The following VSX1 variants were observed in gnomAD, a reference collection of about 807,000 sequenced individuals.
VSX1 encodes visual system homeobox 1, also known as homeodomain protein RINX.
VSX1 carries 23 observed loss-of-function variants against 23.6 expected under a neutral mutation model. The observed-to-expected ratio is 0.97, with a 90% CI of 0.70 to 1.38. The LOEUF is 1.38. Among genes scored for constraint, VSX1 ranks in the 40% most tolerant of loss-of-function variants. VSX1 has a pLI of 0.00. For missense variants in VSX1, 517 were observed against 495.4 expected (o/e 1.04, Z -0.41); for synonymous variants, 247 against 215.1 (o/e 1.15, Z -1.30).
At chr20:25,072,000 C>T, downstream of VSX1, 2 of 623,734 alleles carry the variant, frequency 3.2e-6, no homozygotes, top group Non-Finnish European at 5.8e-6. Context: ...ACGGGAGCCT[C>T]CAGGAGCAGA....
chr20:25,078,706 C>T, intron 3 of VSX1, 123 bp downstream of exon 3: 1 of 1,611,362 alleles, frequency 6.2e-7, no homozygotes, highest in Non-Finnish European at 8.5e-7. Context: ...CTAAGGGACC[C>T]TCAGTTTCTA....
downstream of VSX1, among the ~76,000 whole-genome samples, chr20:25,074,493 A>G (rs543281273): frequency 6.6e-6 from 1 of 152,304 alleles, no homozygotes; most frequent in South Asian, 2.1e-4. Context: ...GTAATATTAC[A>G]TAGAGATTTG....
At chr20:25,070,996 C>T (rs575024921), downstream of VSX1, 12 of 453,928 alleles carry the variant, frequency 2.6e-5, no homozygotes, top group African/African-American at 2.2e-4. Context: ...CTTAAAATGT[C>T]AGTATGAGAC....
rs2089475126 is a variant in VSX1, at chr20:25,075,775, C to G, written c.*486G>C. ...TCCCTAACAAGAAAATTGAAATATC[C>G]AAGGCCAAGTTCAAGGTAAAGACAA... On this transcript the variant is annotated 3_prime_UTR_variant, in exon 5 of 5. Coordinates refer to ENST00000376709, the MANE Select transcript of VSX1 (RefSeq NM_014588.6). The G allele has an allele frequency of 6.4e-6, 1 of 157,292 alleles. No homozygotes were observed. 9.7% of individuals were successfully genotyped at this position (157,292 alleles called of 1,614,324 possible). A position where few individuals can be genotyped will look rare whatever the true frequency, so the allele number is the denominator to read the frequency against.
chr20:25,076,271 C>G lies in VSX1; in HGVS notation c.1088G>C (p.Gly363Ala). 6.2e-7 allele frequency: 1 copy of G among 1,614,122 alleles called. No homozygotes were observed. Among genetic ancestry groups the G allele is most frequent in the Non-Finnish European group, 8.5e-7 (1 of 1,180,044 alleles). The part of the protein sequence containing the change: ...ALEGPQPGKV[G>A]AT ...TGGGACCTGTGGGTCTCATGTGGCT[C>G]CCACCTTCCCTGGCTGGGGCCCCTC... The change falls in exon 5 of 5, where the codon GGA (glycine) becomes GCA (alanine). Residue 363 changes from glycine (G) to alanine (A), a missense_variant. Gly to Ala is a moderately conservative substitution (Grantham distance 60). Transcript: ENST00000376709.
intron 4 of VSX1, among the ~76,000 whole-genome samples, chr20:25,077,104 G>C (rs976422767): frequency 6.6e-6 from 1 of 152,178 alleles, no homozygotes; most frequent in Non-Finnish European, 1.5e-5. Context: ...CACAATCTGT[G>C]ATCCCTGCCT....
At chr20:25,081,411 G>T (rs78756784) in intron 1 of VSX1, 1 of 746,822 alleles carries the variant, frequency 1.3e-6, no homozygotes. Context: ...CTCATCAAAA[G>T]GTTCCACCCG....
chr20:25,078,011 C>G, intron 3 of VSX1, 146 bp from the exon 4 acceptor site: 1 of 1,147,338 alleles, frequency 8.7e-7, no homozygotes, highest in Non-Finnish European at 1.3e-6. Context: ...CTCCCGAGGG[C>G]CAACCAGCCG....
chr20:25,073,161 G>A (rs564457333), downstream of VSX1, among the ~76,000 whole-genome samples: 1 of 152,126 alleles, frequency 6.6e-6, no homozygotes, highest in South Asian at 2.1e-4. Flanking sequence ...ATTTTCATAT[G>A]ATATTTTTAA....
At chr20:25,079,010 C>A in intron 2 of VSX1, 58 bp from the exon 3 acceptor site, 1 of 1,609,706 alleles carries the variant, frequency 6.2e-7, no homozygotes, top group South Asian at 1.1e-5. Flanking sequence ...AGCAGCCTCC[C>A]TGGCCTTAAG....
downstream of VSX1, among the ~76,000 whole-genome samples, chr20:25,075,266 C>G (rs771372904): frequency 6.6e-6 from 1 of 152,170 alleles, no homozygotes; most frequent in Non-Finnish European, 1.5e-5. Context: ...ATCTTTCTGG[C>G]CTCTGAACTC....
downstream of VSX1, among the ~76,000 whole-genome samples, chr20:25,073,110 G>A (rs564185586): frequency 6.6e-6 from 1 of 152,244 alleles, no homozygotes. Context: ...TGAGAACCAC[G>A]CAGGAGTCAC....
chr20:25,081,867 G>T lies in VSX1; in HGVS notation c.230C>A (p.Ala77Asp), dbSNP rs753363036. Residue 77 changes from alanine to aspartate, a missense_variant, in exon 1 of 5, where the codon GCC becomes GAC. Physicochemically the swap from Ala to Asp is moderately radical, Grantham distance 126. Coordinates refer to ENST00000376709, the MANE Select transcript of VSX1 (RefSeq NM_014588.6). The stretch of plus-strand genomic sequence containing the variant: ...GAGGAGGCCGAGTCCCAGCGGTAGG[G>T]CCCCACGCGCCAGGCTGGAGCCGTC... ...GLDGSSLARG[A>D]LPLGLGLLCG... The T allele has an allele frequency of 1.4e-5, 22 of 1,523,878 alleles. No homozygotes were observed. Among genetic ancestry groups the T allele is most frequent in the Non-Finnish European group, 1.2e-5 (14 of 1,142,946 alleles). 94.4% of individuals were successfully genotyped at this position (1,523,878 alleles called of 1,614,324 possible). A position where few individuals can be genotyped will look rare whatever the true frequency, so the allele number is the denominator to read the frequency against.
chr20:25,079,510 C>G lies in VSX1; in HGVS notation c.429G>C (p.Glu143Asp). ...KRSDSVSTSD[E>D]DSQSEDRNDL... Reference sequence around the variant, plus strand: ...CATTCCTGTCTTCAGACTGGCTGTCCTCATCTGATGGCACAGAAAGAAGAA... The same window carrying G: ...CATTCCTGTCTTCAGACTGGCTGTCGTCATCTGATGGCACAGAAAGAAGAA... The change falls in exon 2 of 5, where the codon GAG becomes GAC. Residue 143 changes from glutamate (E) to aspartate (D), a missense_variant. By Grantham distance (45) the Glu-to-Asp change is conservative (BLOSUM62 2). Transcript: ENST00000376709. 1.2e-6 allele frequency: 2 copies of G among 1,611,342 alleles called. No homozygotes were observed. The highest frequency in any genetic ancestry group is 1.7e-6 in the Non-Finnish European group (2 of 1,178,704).
At chr20:25,078,042 G>A (rs1475450193) in intron 3 of VSX1, 177 bp from the exon 4 acceptor site, 1 of 833,326 alleles carries the variant, frequency 1.2e-6, no homozygotes, top group Non-Finnish European at 1.9e-6. Context: ...GAGCGCCCAG[G>A]AGCCCCCAGC....
intron 1 of VSX1, among the ~76,000 whole-genome samples, chr20:25,081,227 T>C (rs1341754449): frequency 1.4e-5 from 2 of 143,450 alleles, no homozygotes; most frequent in Non-Finnish European, 3.1e-5. Context: ...CCAGGACCCG[T>C]CAATCATTCG....
chr20:25,076,124 G>A lies in VSX1; in HGVS notation c.*137C>T, dbSNP rs2089484781. Reference sequence around the variant, plus strand: ...TCACTCATCTGTCCTCTTAAAGCAAGTGGCATTGCATTTTATCTTGACATT... The same window carrying A: ...TCACTCATCTGTCCTCTTAAAGCAAATGGCATTGCATTTTATCTTGACATT... On this transcript the variant is annotated 3_prime_UTR_variant, in exon 5 of 5. Transcript: ENST00000376709. The A allele has an allele frequency of 2.4e-6, 3 of 1,242,400 alleles. No individual in the cohort carries two copies. The highest frequency in any genetic ancestry group is 3.5e-6 in the Non-Finnish European group (3 of 865,306). 77.0% of individuals were successfully genotyped at this position (1,242,400 alleles called of 1,614,324 possible).
Position 25,077,760 on chromosome 20 carries a change from A to G in VSX1, c.733T>C (p.Cys245Arg). 1 of 1,550,858 alleles carries G rather than the reference A, an allele frequency of 6.4e-7. No homozygotes were observed. Among genetic ancestry groups the G allele is most frequent in the Non-Finnish European group, 8.7e-7 (1 of 1,146,948 alleles). ...YGLYGAMVRHCIPLPDSVLNS... is the reference protein window; with the variant it reads ...YGLYGAMVRHRIPLPDSVLNS... ...AGCACGGAGTCTGGCAGCGGGATGC[A>G]GTGGCGCACCATGGCCCCGTACAGC... Residue 245 changes from cysteine to arginine, a missense_variant, in exon 4 of 5, where the codon TGC becomes CGC. By Grantham distance (180) the Cys-to-Arg change is radical. Transcript: ENST00000376709.
rs781220883 is a variant in VSX1 at position 25,081,437 on chromosome 20, G to A, written c.424+236C>T. On this transcript the variant is annotated intron_variant, in intron 1 of 4. Transcript: ENST00000376709. ...GTTCCACCCGGAACCAGGTGGTGGC[G>A]GTCTCACATCGCTGAGGGAACAGGA... The A allele has an allele frequency of 1.7e-5, 13 of 774,578 alleles. No homozygotes were observed. In the East Asian group the frequency reaches 1.7e-4, roughly 10 times the overall value. 48.0% of individuals were successfully genotyped at this position (774,578 alleles called of 1,614,324 possible).
Sources: gnomAD v4.1 joint callset for allele counts (sites outside exome capture counted in the v4.1 genomes callset) on GRCh38, gnomAD v4.1.1 for gene constraint, MANE v1.5 for transcripts, NCBI Gene and HGNC (gene_info 2026-07-23, HGNC 2026-07-21) for gene names.